The following NPAS3 variants were observed in gnomAD, a reference collection of about 807,000 sequenced individuals.
NPAS3 encodes the protein neuronal PAS domain-containing protein 3.
In NPAS3, 14 loss-of-function variants were observed where a neutral mutation model predicts 73.1. The observed-to-expected ratio is 0.19, with a 90% CI of 0.13 to 0.30. NPAS3 has a LOEUF of 0.30. NPAS3 is among the 10% of genes least tolerant of loss of function. The pLI is 1.00. For synonymous variants in NPAS3, 620 were observed against 541.5 expected, an observed-to-expected ratio of 1.14 and a Z score of -2.01; for missense variants, 1,096 against 1,250.0, an observed-to-expected ratio of 0.88 and a Z score of 1.86.
At chr14:33,210,932 T>G (rs886559234) in intron 2 of NPAS3, among the ~76,000 whole-genome samples, 1 of 152,330 alleles carries the variant, frequency 6.6e-6, no homozygotes, top group Non-Finnish European at 1.5e-5. Context: ...AAATGTGTTA[T>G]GTCAGAACCA....
At chr14:33,438,369 G>A (rs567348168) in intron 4 of NPAS3, among the ~76,000 whole-genome samples, 9 of 152,290 alleles carry the variant, frequency 5.9e-5, no homozygotes, top group South Asian at 2.1e-4. Context: ...GAAATGTAAC[G>A]GAAGGCGAAC....
chr14:33,166,625 A>T (rs1447560794), intron 2 of NPAS3, among the ~76,000 whole-genome samples: 1 of 152,188 alleles, frequency 6.6e-6, no homozygotes, highest in African/African-American at 2.4e-5. Context: ...TATCTGAAAG[A>T]GTAAAGAAAT....
At chr14:33,437,345 C>G (rs1165834206) in intron 4 of NPAS3, among the ~76,000 whole-genome samples, 1 of 152,190 alleles carries the variant, frequency 6.6e-6, no homozygotes, top group Admixed American at 6.5e-5. Flanking sequence ...AGCTTGCCTG[C>G]TTGGGGAAGA....
intron 1 of NPAS3, among the ~76,000 whole-genome samples, chr14:33,009,397 G>A (rs760243062): frequency 3.9e-5 from 6 of 152,128 alleles, no homozygotes; most frequent in Non-Finnish European, 7.3e-5. Context: ...TCAATGCAAA[G>A]TTTGGATTGA....
chr14:33,264,774 G>A (rs904177707), intron 3 of NPAS3, among the ~76,000 whole-genome samples: 1 of 152,062 alleles, frequency 6.6e-6, no homozygotes, highest in African/African-American at 2.4e-5. Flanking sequence ...CCTTTTCTGA[G>A]CCATCAGGCC....
rs539386987 is a variant in NPAS3, at chr14:33,396,664, A to G, written c.468+29396A>G. Among the ~76,000 whole-genome samples, 8 of 152,212 alleles carry G rather than the reference A, an allele frequency of 5.3e-5. No individual in the cohort carries two copies. In the East Asian group the frequency reaches 1.5e-3, roughly 29 times the overall value. ...AAATACTAAGTTTCTTTATAGGGGA[A>G]TTTTGTGCACATTTTAGCCAATTTC... On this transcript the variant is annotated intron_variant, in intron 4 of 11. Coordinates refer to ENST00000356141, the Ensembl canonical transcript of NPAS3.
intron 3 of NPAS3, among the ~76,000 whole-genome samples, chr14:33,296,754 G>A (rs1424731898): frequency 6.6e-6 from 1 of 152,186 alleles, no homozygotes; most frequent in Non-Finnish European, 1.5e-5. Context: ...GTTCAGTTTA[G>A]ATGACGGAAA....
intron 1 of NPAS3, among the ~76,000 whole-genome samples, chr14:32,998,096 G>A (rs1196843486): frequency 6.6e-6 from 1 of 152,166 alleles, no homozygotes; most frequent in Non-Finnish European, 1.5e-5. Flanking sequence ...TAGCAGCACT[G>A]TTTACAATAG....
chr14:32,978,229 C>T (rs2037764718), intron 1 of NPAS3, among the ~76,000 whole-genome samples: 1 of 152,148 alleles, frequency 6.6e-6, no homozygotes, highest in South Asian at 2.1e-4. Context: ...TTCTTAGTAT[C>T]TGCCTTTCTG....
intron 6 of NPAS3, among the ~76,000 whole-genome samples, chr14:33,715,651 T>G (rs1463749188): frequency 6.6e-6 from 1 of 152,194 alleles, no homozygotes; most frequent in Non-Finnish European, 1.5e-5. Context: ...CCAGCCTCCA[T>G]CACAAGTCTG....
chr14:33,398,453 A>G (rs375459015), intron 4 of NPAS3, among the ~76,000 whole-genome samples: 82 of 150,764 alleles, frequency 5.4e-4, no homozygotes, highest in African/African-American at 1.9e-3. Flanking sequence ...ATATATTCTG[A>G]GCACTAATTA....
chr14:33,440,893 CAAAAA>C (rs781720910), intron 4 of NPAS3, among the ~76,000 whole-genome samples: 2 of 131,494 alleles, frequency 1.5e-5, no homozygotes, highest in African/African-American at 5.6e-5. Context: ...AACTCCATCT[CAAAAA>C]AAAAAAAAGA....
chr14:33,657,853 T>G (rs2059191720), intron 5 of NPAS3, among the ~76,000 whole-genome samples: 1 of 152,210 alleles, frequency 6.6e-6, no homozygotes, highest in Non-Finnish European at 1.5e-5. Context: ...AGTCAGTGGA[T>G]AACATCTAGT....
At chr14:33,049,748 G>C (rs1294723492) in intron 1 of NPAS3, among the ~76,000 whole-genome samples, 6 of 152,162 alleles carry the variant, frequency 3.9e-5, no homozygotes, top group Non-Finnish European at 7.4e-5. Flanking sequence ...ATTCACATCT[G>C]GTTCCAAAGC....
intron 3 of NPAS3, among the ~76,000 whole-genome samples, chr14:33,347,719 C>T (rs376302444): frequency 2.0e-5 from 3 of 152,176 alleles, no homozygotes; most frequent in Non-Finnish European, 4.4e-5. Flanking sequence ...TGCATATAAC[C>T]TAGGTACATC....
At position 33,524,179 on chromosome 14, in the gene NPAS3, C is replaced by T. The variant is rs531258708; in HGVS notation, c.469-35942C>T. Among the ~76,000 whole-genome samples, 3 of 152,252 alleles carry T rather than the reference C, an allele frequency of 2.0e-5. No individual in the cohort carries two copies. In the East Asian group the frequency reaches 5.8e-4, roughly 29 times the overall value. On this transcript the variant is annotated intron_variant, in intron 4 of 11. Transcript: ENST00000356141. ...TGACAACACTGCTGAAAGTACTGCC[C>T]TCTCTAAAAGTCCTCCTTACCCTCT... is the stretch of plus-strand genomic sequence containing the variant.
chr14:33,097,065 AT>A (rs35161958), intron 2 of NPAS3, among the ~76,000 whole-genome samples: 56,548 of 151,868 alleles, frequency 0.37, 12,020 homozygotes, highest in Admixed American at 0.51. Context: ...TCTTTGTGCA[AT>A]TTTTTCCCCC....
At chr14:33,311,753 C>G (rs1055366872) in intron 3 of NPAS3, among the ~76,000 whole-genome samples, 1 of 151,858 alleles carries the variant, frequency 6.6e-6, no homozygotes, top group African/African-American at 2.4e-5. Flanking sequence ...GTGGTGGAGG[C>G]GGGAAAAGGA....
chr14:33,000,623 A>G (rs936785744), intron 1 of NPAS3, among the ~76,000 whole-genome samples: 6 of 152,254 alleles, frequency 3.9e-5, no homozygotes, highest in South Asian at 2.1e-4. Context: ...AGGAAACACA[A>G]TCTTTGTTCA....
Sources: allele counts gnomAD v4.1 joint callset (sites outside exome capture counted in the v4.1 genomes callset), GRCh38; gene constraint gnomAD v4.1.1; transcripts MANE v1.5; gene names NCBI Gene and HGNC (gene_info 2026-07-23, HGNC 2026-07-21).